The following DGKB variants were observed in gnomAD, a reference collection of about 807,000 sequenced individuals.
The protein encoded by DGKB is 90 kDa diacylglycerol kinase.
DGKB carries 67 observed loss-of-function variants against 114.3 expected under a neutral mutation model. The observed-to-expected ratio is 0.59, with a 90% CI of 0.48 to 0.72. The LOEUF (loss-of-function observed/expected upper bound fraction) is 0.72. DGKB is among the 30% of genes least tolerant of loss of function. The pLI, the probability that DGKB is intolerant of heterozygous loss-of-function variation, is 0.00. For missense variants in DGKB, 907 were observed against 975.2 expected (o/e 0.93, Z 0.93); for synonymous variants, 398 against 323.1 (o/e 1.23, Z -2.49).
At chr7:14,593,392 A>G (rs2128749154) in intron 17 of DGKB, among the ~76,000 whole-genome samples, 1 of 152,166 alleles carries the variant, frequency 6.6e-6, no homozygotes. Context: ...AGGTTCTATG[A>G]TGTAGCCTAA....
intron 15 of DGKB, among the ~76,000 whole-genome samples, chr7:14,616,909 T>C (rs1806645880): frequency 6.6e-6 from 1 of 151,854 alleles, no homozygotes; most frequent in Admixed American, 6.6e-5. Context: ...GAAGAATGGT[T>C]ATAAATTTGA....
intron 2 of DGKB, among the ~76,000 whole-genome samples, chr7:14,806,410 G>GTTAA (rs1479287845): frequency 6.6e-6 from 1 of 151,938 alleles, no homozygotes; most frequent in Non-Finnish European, 1.5e-5. Flanking sequence ...TTAAAATTTA[G>GTTAA]TTAAGCTCAT....
intron 23 of DGKB, among the ~76,000 whole-genome samples, chr7:14,285,032 AT>A (rs1800649894): frequency 1.6e-5 from 1 of 61,270 alleles, no homozygotes. Flanking sequence ...TAAAAAAATA[AT>A]AAAAAAAAGA....
chr7:14,643,939 A>C (rs1349929617), intron 13 of DGKB, among the ~76,000 whole-genome samples: 1 of 152,178 alleles, frequency 6.6e-6, no homozygotes, highest in Non-Finnish European at 1.5e-5. Context: ...TTTAGGAGCC[A>C]GAGGAGTGGA....
chr7:14,488,269 C>T (rs754492962), intron 20 of DGKB, among the ~76,000 whole-genome samples: 13 of 152,120 alleles, frequency 8.5e-5, no homozygotes, highest in Non-Finnish European at 1.8e-4. Context: ...CCCACTCTTG[C>T]TCTTTCCTGC....
At chr7:14,861,175 C>A (rs531587952) in intron 1 of DGKB, among the ~76,000 whole-genome samples, 1 of 152,016 alleles carries the variant, frequency 6.6e-6, no homozygotes, top group Admixed American at 6.6e-5. Flanking sequence ...GTATATAATT[C>A]ATACTGTTTG....
At chr7:14,886,468 C>T (rs1050198522) in intron 1 of DGKB, among the ~76,000 whole-genome samples, 2 of 151,676 alleles carry the variant, frequency 1.3e-5, no homozygotes, top group African/African-American at 2.4e-5. Context: ...GACTCCTGCT[C>T]GAACTCTCTC....
At chr7:14,828,088 A>G (rs1400221977) in intron 2 of DGKB, among the ~76,000 whole-genome samples, 1 of 152,162 alleles carries the variant, frequency 6.6e-6, no homozygotes, top group Non-Finnish European at 1.5e-5. Flanking sequence ...GCCAAGATAC[A>G]TATGCAAGTT....
In DGKB at chr7:14,451,664, A is replaced by G. The variant is rs145357256; in HGVS notation, c.1835+26497T>C. On this transcript the variant is annotated intron_variant, in intron 21 of 25. Coordinates refer to ENST00000402815, the MANE Select transcript of DGKB (RefSeq NM_001350709.2). Reference sequence around the variant, plus strand: ...ACTGTGCTATGCCCTTTGTACTTAAACATTGTTCTGAGAAAGAGGAAAGTA... The same window carrying G: ...ACTGTGCTATGCCCTTTGTACTTAAGCATTGTTCTGAGAAAGAGGAAAGTA... Among the ~76,000 whole-genome samples the G allele has an allele frequency of 3.0e-3, 462 of 152,114 alleles. 2 individuals are homozygous for G. Among genetic ancestry groups the G allele is most frequent in the Middle Eastern group, 0.027 (8 of 294 alleles).
At position 14,314,895 on chromosome 7, in the gene DGKB, C is replaced by A. The variant is rs1011542092; in HGVS notation, c.2122+23620G>T. Among the ~76,000 whole-genome samples the A allele has an allele frequency of 4.1e-4, 62 of 151,738 alleles. 1 individual carries two copies. Among genetic ancestry groups the A allele is most frequent in the Admixed American group, 1.1e-3 (16 of 15,194 alleles). On this transcript the variant is annotated intron_variant, in intron 23 of 25. Coordinates refer to ENST00000402815, the MANE Select transcript of DGKB (RefSeq NM_001350709.2). ...GGCAGCCAGAGAGAAAGGTCGGGTT[C>A]CCCTCAAAGGGAAGCCCATCAGACT...
intron 20 of DGKB, among the ~76,000 whole-genome samples, chr7:14,507,541 G>A (rs535261152): frequency 2.6e-5 from 4 of 152,178 alleles, no homozygotes; most frequent in Middle Eastern, 3.4e-3. Flanking sequence ...ATTACACTTT[G>A]CACAGAAAAT....
Position 14,153,385 on chromosome 7 carries a change from GAAATTATTT to G in DGKB, c.2305-4156_2305-4148del, listed in dbSNP as rs1782512468. ...TTCAGGAATTCTTGTACCTGCTATT[GAAATTATTT>G]TAAAAATAATTTTACTTTTATAATG... On this transcript the variant is annotated intron_variant, in intron 25 of 25. Coordinates refer to ENST00000402815, the MANE Select transcript of DGKB (RefSeq NM_001350709.2). 2.0e-5 allele frequency among the ~76,000 whole-genome samples: 3 copies of G among 152,108 alleles called. 1 individual carries two copies. The South Asian group carries it at 6.2e-4, about 32-fold the overall frequency.
intron 2 of DGKB, among the ~76,000 whole-genome samples, chr7:14,788,434 C>G (rs1840200819): frequency 6.6e-6 from 1 of 152,162 alleles, no homozygotes; most frequent in South Asian, 2.1e-4. Flanking sequence ...CTCAGGTTAG[C>G]TAATTCCTAG....
intron 20 of DGKB, among the ~76,000 whole-genome samples, chr7:14,481,946 T>C (rs1040103286): frequency 1.4e-4 from 22 of 152,138 alleles, no homozygotes; most frequent in Non-Finnish European, 2.5e-4. Context: ...AGGTACACAA[T>C]AACAACAATC....
intron 20 of DGKB, among the ~76,000 whole-genome samples, chr7:14,568,474 A>G (rs146671627): frequency 5.3e-5 from 8 of 152,266 alleles, no homozygotes; most frequent in African/African-American, 1.9e-4. Context: ...ATGATGCTAC[A>G]TCTTCCAGGT....
At chr7:14,438,089 C>G (rs1829548770) in intron 21 of DGKB, among the ~76,000 whole-genome samples, 1 of 151,944 alleles carries the variant, frequency 6.6e-6, no homozygotes, top group Admixed American at 6.6e-5. Context: ...TCTCCCCACA[C>G]CACAACCCCC....
intron 2 of DGKB, among the ~76,000 whole-genome samples, chr7:14,819,934 T>C (rs1430043273): frequency 6.6e-6 from 1 of 152,170 alleles, no homozygotes. Context: ...GGTATAAATA[T>C]TCAGAGAGGT....
At chr7:14,222,212 T>C (rs1790094104) in intron 23 of DGKB, among the ~76,000 whole-genome samples, 1 of 150,952 alleles carries the variant, frequency 6.6e-6, no homozygotes, top group South Asian at 2.1e-4. Flanking sequence ...TGTGCTCTTC[T>C]TTTTTTGTTT....
intron 23 of DGKB, among the ~76,000 whole-genome samples, chr7:14,211,096 A>C (rs73679687): frequency 0.15 from 23,328 of 151,832 alleles, 2,944 homozygotes; most frequent in African/African-American, 0.34. Flanking sequence ...GTGTTCTCCT[A>C]CTCACCTCTC....
Sources: gnomAD v4.1 joint callset for allele counts (sites outside exome capture counted in the v4.1 genomes callset) on GRCh38, gnomAD v4.1.1 for gene constraint, MANE v1.5 for transcripts, NCBI Gene and HGNC (gene_info 2026-07-23, HGNC 2026-07-21) for gene names.